The following JAM2 variants were observed in gnomAD, a reference collection of about 807,000 sequenced individuals.
JAM2 encodes the protein junctional adhesion molecule B.
Under a neutral mutation model 42.0 loss-of-function variants are expected in JAM2, and 17 were observed. The ratio of observed to expected loss-of-function variants is 0.40; its 90% CI spans 0.28 to 0.61. The LOEUF (loss-of-function observed/expected upper bound fraction) is 0.61, where lower values mean the gene tolerates loss of function less well. JAM2 is among the 20% of genes least tolerant of loss of function. JAM2 has a pLI of 0.37. For synonymous variants in JAM2, 118 were observed against 128.6 expected, an observed-to-expected ratio of 0.92 and a Z score of 0.56; for missense variants, 319 against 358.3, an observed-to-expected ratio of 0.89 and a Z score of 0.89.
chr21:25,648,242 A>T (rs151220541), intron 1 of JAM2, among the ~76,000 whole-genome samples: 79 of 152,350 alleles, frequency 5.2e-4, no homozygotes, highest in African/African-American at 1.8e-3. Flanking sequence ...GCATTTTCAA[A>T]TAGGAATGGA....
At chr21:25,651,951 G>A (rs529474072) in intron 1 of JAM2, among the ~76,000 whole-genome samples, 12 of 152,174 alleles carry the variant, frequency 7.9e-5, no homozygotes, top group Non-Finnish European at 1.3e-4. Flanking sequence ...TTAACAATAG[G>A]TAGAACAGGA....
At chr21:25,681,762 C>A (rs2033636733) in intron 1 of JAM2, among the ~76,000 whole-genome samples, 3 of 152,100 alleles carry the variant, frequency 2.0e-5, no homozygotes, top group African/African-American at 7.2e-5. Flanking sequence ...GTGGGTGGAT[C>A]AGGAGGTCAG....
In JAM2 at chr21:25,687,624, C is replaced by T. The variant is rs567146972; in HGVS notation, c.134-2242C>T. On this transcript the variant is annotated intron_variant, in intron 2 of 9. Coordinates refer to ENST00000480456, the MANE Select transcript of JAM2 (RefSeq NM_021219.4). Reference sequence around the variant, plus strand: ...GGCTGCCATTACAAAATACTACAAACCAGGTGACTTAAAACAATAGAAATT... The same window carrying T: ...GGCTGCCATTACAAAATACTACAAATCAGGTGACTTAAAACAATAGAAATT... Among the ~76,000 whole-genome samples the T allele has an allele frequency of 4.6e-5, 7 of 152,296 alleles. No homozygotes were observed. The East Asian group carries it at 1.3e-3, about 29-fold the overall frequency.
chr21:25,642,842 A>C (rs2032484475), intron 1 of JAM2, among the ~76,000 whole-genome samples: 1 of 152,232 alleles, frequency 6.6e-6, no homozygotes, highest in African/African-American at 2.4e-5. Flanking sequence ...AATACCATAA[A>C]CGGAGTAGCT....
At position 25,643,280 on chromosome 21, in the gene JAM2, G is replaced by A. The variant is rs191576700; in HGVS notation, c.67+3392G>A. The stretch of plus-strand genomic sequence containing the variant: ...TAAGCTGATATGTCAAAAAATAATA[G>A]GAATGAGTATTCCGTGTTTGGTGGG... On this transcript the variant is annotated intron_variant, in intron 1 of 9. Coordinates refer to ENST00000480456, the MANE Select transcript of JAM2 (RefSeq NM_021219.4). 1.8e-4 allele frequency among the ~76,000 whole-genome samples: 28 copies of A among 152,290 alleles called. No individual in the cohort carries two copies. The East Asian group carries it at 5.4e-3, about 29-fold the overall frequency.
chr21:25,667,028 C>G (rs879795742), intron 1 of JAM2, among the ~76,000 whole-genome samples: 1 of 152,186 alleles, frequency 6.6e-6, no homozygotes, highest in African/African-American at 2.4e-5. Flanking sequence ...GGGCAGTTAT[C>G]TCTTAATTAA....
chr21:25,694,040 C>T (rs1381768879), intron 4 of JAM2, 132 bp downstream of exon 4: 2 of 807,366 alleles, frequency 2.5e-6, no homozygotes, highest in Non-Finnish European at 3.9e-6. Context: ...TTACAGAGAC[C>T]ATAAGCATCA....
At chr21:25,660,997 T>C (rs1367631972) in intron 1 of JAM2, among the ~76,000 whole-genome samples, 1 of 151,048 alleles carries the variant, frequency 6.6e-6, no homozygotes, top group Non-Finnish European at 1.5e-5. Context: ...AGTTTCACCA[T>C]GTTGGCCAGC....
chr21:25,677,516 A>T (rs1000057032), intron 1 of JAM2, among the ~76,000 whole-genome samples: 14 of 152,230 alleles, frequency 9.2e-5, no homozygotes, highest in African/African-American at 3.1e-4. Context: ...GAGAAAGAGA[A>T]AATGATTTTC....
chr21:25,692,617 TTAAA>T (rs1278119189), intron 3 of JAM2: 4 of 152,206 alleles, frequency 2.6e-5, no homozygotes, highest in Non-Finnish European at 5.9e-5. Flanking sequence ...CTTAATATAA[TTAAA>T]TAAAAACATA....
At chr21:25,682,528 G>C (rs1362583209) in intron 1 of JAM2, among the ~76,000 whole-genome samples, 1 of 152,232 alleles carries the variant, frequency 6.6e-6, no homozygotes, top group Non-Finnish European at 1.5e-5. Context: ...CTGAGGGGAG[G>C]GGCAGCATGC....
Position 25,674,005 on chromosome 21 carries a change from G to A in JAM2, c.68-9878G>A, listed in dbSNP as rs773699792. ...TGGCTCTCATTCTCTCTTGACTGCC[G>A]CCATGTAAGATGTGCCTTTTGCCTT... is the stretch of plus-strand genomic sequence containing the variant. On this transcript the variant is annotated intron_variant, in intron 1 of 9. Transcript: ENST00000480456. Among the ~76,000 whole-genome samples, 12 of 152,136 alleles carry A rather than the reference G, an allele frequency of 7.9e-5. No individual in the cohort carries two copies. In the East Asian group the frequency reaches 1.5e-3, roughly 20 times the overall value.
chr21:25,682,093 A>C (rs926125246), intron 1 of JAM2, among the ~76,000 whole-genome samples: 1 of 152,264 alleles, frequency 6.6e-6, no homozygotes, highest in Non-Finnish European at 1.5e-5. Context: ...GAATGGGCTC[A>C]TTTATTCAAC....
At chr21:25,648,860 A>G (rs2032689306) in intron 1 of JAM2, among the ~76,000 whole-genome samples, 1 of 152,250 alleles carries the variant, frequency 6.6e-6, no homozygotes, top group Non-Finnish European at 1.5e-5. Context: ...GTAGAATTAC[A>G]TAAGCTGGAA....
rs2033890175 is a variant in JAM2, at chr21:25,691,936, T to A, written c.242-1820T>A. 2.0e-5 allele frequency among the ~76,000 whole-genome samples: 3 copies of A among 150,870 alleles called. 1 individual carries two copies. The highest frequency in any genetic ancestry group is 2.0e-4 in the Admixed American group (3 of 15,110). On this transcript the variant is annotated intron_variant, in intron 3 of 9. Transcript: ENST00000480456. The stretch of plus-strand genomic sequence containing the variant: ...CCCAGATGCTTGGGAGGCTGAGGCA[T>A]GAGAATGGCTTGCAGTAAGCCAAGA...
chr21:25,656,474 T>C (rs2829849), intron 1 of JAM2, among the ~76,000 whole-genome samples: 16,639 of 152,234 alleles, frequency 0.11, 1,447 homozygotes, highest in African/African-American at 0.24. Flanking sequence ...TCCTTTAGCC[T>C]TGAAGACCCC....
chr21:25,649,451 A>G (rs1600990594), intron 1 of JAM2, among the ~76,000 whole-genome samples: 1 of 152,178 alleles, frequency 6.6e-6, no homozygotes, highest in African/African-American at 2.4e-5. Context: ...CTCATTCACT[A>G]TCATGAGAAA....
At position 25,639,329 on chromosome 21, in the gene JAM2, T is replaced by A. The variant is rs1479899218; in HGVS notation, c.-493T>A. ...AACAGGAGGCGTTTCCCTACCCGCATACATCCCCGTCCCCGAGACACCCAA... is the reference window on the plus strand; with the variant it reads ...AACAGGAGGCGTTTCCCTACCCGCAAACATCCCCGTCCCCGAGACACCCAA... On this transcript the variant is annotated 5_prime_UTR_variant, in exon 1 of 10. Transcript: ENST00000480456. 1 of 154,592 alleles carries A rather than the reference T, an allele frequency of 6.5e-6. No individual in the cohort carries two copies. Among genetic ancestry groups the A allele is most frequent in the Non-Finnish European group, 1.4e-5 (1 of 69,864 alleles). 9.6% of individuals were successfully genotyped at this position (154,592 alleles called of 1,614,324 possible).
intron 1 of JAM2, among the ~76,000 whole-genome samples, chr21:25,661,791 A>G (rs892301798): frequency 2.6e-5 from 4 of 152,280 alleles, no homozygotes; most frequent in Middle Eastern, 3.4e-3. Flanking sequence ...TCACTGCACT[A>G]AATTCTTAGG....
Sources: gnomAD v4.1 joint callset for allele counts (sites outside exome capture counted in the v4.1 genomes callset) on GRCh38, gnomAD v4.1.1 for gene constraint, MANE v1.5 for transcripts, NCBI Gene and HGNC (gene_info 2026-07-23, HGNC 2026-07-21) for gene names.